The following CDCA2 variants were observed in gnomAD, a reference collection of about 807,000 sequenced individuals.
The protein encoded by CDCA2 is cell division cycle associated 2, also known as cell division cycle-associated protein 2.
A neutral mutation model predicts 67.0 loss-of-function variants in CDCA2; 44 were observed. That is an observed-to-expected ratio of 0.66 (90% CI 0.52 to 0.84). The LOEUF (loss-of-function observed/expected upper bound fraction) is 0.84. Among genes scored for constraint, CDCA2 ranks in the 40% least tolerant of loss-of-function variants. The pLI is 0.00. For synonymous variants in CDCA2, 447 were observed against 418.7 expected (o/e 1.07, Z -0.82); for missense variants, 1,253 against 1,203.2 (o/e 1.04, Z -0.61).
chr8:25,506,151 C>T (rs1290661189), intron 14 of CDCA2, among the ~76,000 whole-genome samples: 2 of 152,144 alleles, frequency 1.3e-5, no homozygotes. Flanking sequence ...TGCCCATTTG[C>T]AGTCATTCAT....
At chr8:25,473,457 G>A (rs920054751) in intron 7 of CDCA2, among the ~76,000 whole-genome samples, 8 of 152,016 alleles carry the variant, frequency 5.3e-5, no homozygotes, top group East Asian at 3.8e-4. Flanking sequence ...TTTCAAGAGC[G>A]TTTATTAAAA....
chr8:25,471,700 C>T (rs949322027), intron 7 of CDCA2, among the ~76,000 whole-genome samples: 4 of 152,034 alleles, frequency 2.6e-5, no homozygotes, highest in Non-Finnish European at 5.9e-5. Context: ...TGGGACTTTG[C>T]GTAGGAGTGA....
intron 13 of CDCA2, among the ~76,000 whole-genome samples, chr8:25,495,559 C>T (rs1804186408): frequency 2.0e-5 from 3 of 152,044 alleles, no homozygotes; most frequent in Non-Finnish European, 4.4e-5. Flanking sequence ...GGAATACAGG[C>T]ACCTGCCACC....
At chr8:25,459,036 C>T (rs927722083), upstream of CDCA2, 3 of 152,274 alleles carry the variant, frequency 2.0e-5, no homozygotes, top group Non-Finnish European at 4.4e-5. Context: ...TGTCTGTAGT[C>T]CTCGGGTTGA....
At chr8:25,503,145 G>C (rs567380560) in intron 13 of CDCA2, among the ~76,000 whole-genome samples, 134 of 152,136 alleles carry the variant, frequency 8.8e-4, no homozygotes, top group Non-Finnish European at 1.5e-3. Flanking sequence ...AAAGCCAGTC[G>C]TGGTGGTATG....
chr8:25,465,247 T>TA (rs1802854293), intron 4 of CDCA2, among the ~76,000 whole-genome samples: 1 of 152,238 alleles, frequency 6.6e-6, no homozygotes, highest in South Asian at 2.1e-4. Flanking sequence ...ATGCTGGGAT[T>TA]ACATGCATGA....
At chr8:25,471,352 T>A (rs1052350676) in intron 7 of CDCA2, among the ~76,000 whole-genome samples, 11 of 97,166 alleles carry the variant, frequency 1.1e-4, no homozygotes, top group African/African-American at 4.0e-4. Context: ...GCCTTCAATG[T>A]TTTCTTTCTT....
rs369727762 is a variant in CDCA2 at position 25,460,496 on chromosome 8, C to T, written c.174C>T (p.Ser58=). The change falls in exon 3 of 15, where the codon TCC becomes TCT. Residue 58 remains serine, a synonymous_variant. Transcript: ENST00000330560. The part of the protein sequence containing the change: ...PDTFKSPLNF[S]TVTVEQLGIT... ...CTTTTAAATCACCTTTGAACTTTTC[C>T]ACAGTAACCGTAGAGCAATTGGGAA... 6.2e-7 allele frequency: 1 copy of T among 1,614,158 alleles called. No homozygotes were observed. The highest frequency in any genetic ancestry group is 1.7e-5 in the Admixed American group (1 of 60,016).
chr8:25,478,884 G>GTATATATA (rs1395153332), intron 7 of CDCA2, among the ~76,000 whole-genome samples: 1 of 117,570 alleles, frequency 8.5e-6, no homozygotes, highest in Non-Finnish European at 1.7e-5. Context: ...CTTGTTGTGT[G>GTATATATA]TGTGTATATA....
intron 14 of CDCA2, 96 bp downstream of exon 14, chr8:25,503,640 T>A (rs1187591636): frequency 2.2e-5 from 26 of 1,205,216 alleles, no homozygotes; most frequent in Non-Finnish European, 2.2e-5. Context: ...ATTCACTATG[T>A]AAAGAGTACG....
At chr8:25,476,651 C>A (rs1803362348) in intron 7 of CDCA2, among the ~76,000 whole-genome samples, 1 of 151,726 alleles carries the variant, frequency 6.6e-6, no homozygotes, top group Non-Finnish European at 1.5e-5. Context: ...CTCCTGGGTT[C>A]AGGTGATTCT....
chr8:25,469,079 T>C (rs1222769399), intron 6 of CDCA2, among the ~76,000 whole-genome samples: 1 of 152,264 alleles, frequency 6.6e-6, no homozygotes, highest in African/African-American at 2.4e-5. Context: ...TGGTCTCTCG[T>C]GACGGACTTT....
At chr8:25,498,669 C>T (rs1485727183) in intron 13 of CDCA2, among the ~76,000 whole-genome samples, 7 of 152,050 alleles carry the variant, frequency 4.6e-5, no homozygotes, top group East Asian at 1.9e-4. Context: ...TTGATACAGC[C>T]GAGATCCAGA....
At chr8:25,462,352 C>T (rs964284935) in intron 4 of CDCA2, 144 bp downstream of exon 4, 18 of 886,048 alleles carry the variant, frequency 2.0e-5, no homozygotes, top group Non-Finnish European at 2.9e-5. Context: ...AGCGGCCGGG[C>T]GCGGTGGCTC....
chr8:25,467,436 G>A (rs1852313433), intron 5 of CDCA2, among the ~76,000 whole-genome samples: 1 of 152,010 alleles, frequency 6.6e-6, no homozygotes, highest in Non-Finnish European at 1.5e-5. Context: ...TATTGTTTCA[G>A]TTTTTTCCTG....
rs115542550 is a variant in CDCA2 at position 25,473,233 on chromosome 8, C to T, written c.820+3253C>T. Among the ~76,000 whole-genome samples, 1,332 of 152,236 alleles carry T rather than the reference C, an allele frequency of 8.7e-3. 20 individuals are homozygous for T. Among genetic ancestry groups the T allele is most frequent in the African/African-American group, 0.03 (1,245 of 41,538 alleles). ...TATTCTGCTGTGTGTATATATACCA[C>T]GTTTTCTTTATCCATTCACCCATTA... On this transcript the variant is annotated intron_variant, in intron 7 of 14. Coordinates refer to ENST00000330560, the MANE Select transcript of CDCA2 (RefSeq NM_152562.4).
chr8:25,462,853 T>A (rs1001188571), intron 4 of CDCA2, among the ~76,000 whole-genome samples: 26 of 151,832 alleles, frequency 1.7e-4, no homozygotes, highest in African/African-American at 6.3e-4. Flanking sequence ...ATTATAAAAA[T>A]TTTTTTTTGT....
At chr8:25,465,671 A>G (rs539484864) in intron 4 of CDCA2, among the ~76,000 whole-genome samples, 1 of 152,272 alleles carries the variant, frequency 6.6e-6, no homozygotes, top group African/African-American at 2.4e-5. Context: ...GGAAGAGCCA[A>G]AAAGGAGAGC....
At chr8:25,490,038 A>C (rs1285615950) in intron 13 of CDCA2, among the ~76,000 whole-genome samples, 1 of 152,214 alleles carries the variant, frequency 6.6e-6, no homozygotes, top group Non-Finnish European at 1.5e-5. Flanking sequence ...TAGCACAGAT[A>C]TCCTTAAGTC....
Sources: gnomAD v4.1 joint callset for allele counts (sites outside exome capture counted in the v4.1 genomes callset) on GRCh38, gnomAD v4.1.1 for gene constraint, MANE v1.5 for transcripts, NCBI Gene and HGNC (gene_info 2026-07-23, HGNC 2026-07-21) for gene names.